The following ZNF488 variants were observed in gnomAD, a reference collection of about 807,000 sequenced individuals.
ZNF488 encodes the protein zinc finger protein 488.
Under a neutral mutation model 1.2 loss-of-function variants are expected in ZNF488, and 1 was observed. The observed-to-expected ratio is 0.86, with a 90% CI of 0.30 to 4.07. The LOEUF (loss-of-function observed/expected upper bound fraction) is 4.07, where lower values mean the gene tolerates loss of function less well. Ranked by LOEUF, ZNF488 falls within the 30% of genes most tolerant of loss-of-function variation. The pLI is 0.18. For synonymous variants in ZNF488, 185 were observed against 190.1 expected (o/e 0.97, Z 0.22); for missense variants, 450 against 437.9 (o/e 1.03, Z -0.25).
intron 1 of ZNF488, among the ~76,000 whole-genome samples, chr10:47,378,607 T>G (rs1365093345): frequency 6.6e-6 from 1 of 152,198 alleles, no homozygotes; most frequent in African/African-American, 2.4e-5. Context: ...CATGAAAGGA[T>G]GTACCTGCGT....
intron 1 of ZNF488, among the ~76,000 whole-genome samples, chr10:47,377,036 G>A (rs1020931168): frequency 6.6e-6 from 1 of 152,200 alleles, no homozygotes; most frequent in Admixed American, 6.5e-5. Flanking sequence ...CAGTGTTGCC[G>A]CTATCACCTA....
At chr10:47,370,420 C>T (rs892481550) in intron 1 of ZNF488, among the ~76,000 whole-genome samples, 1 of 152,252 alleles carries the variant, frequency 6.6e-6, no homozygotes, top group Non-Finnish European at 1.5e-5. Flanking sequence ...AAATAGCCCA[C>T]CAGCCTGTAT....
At chr10:47,378,735 G>A (rs1479328429) in intron 1 of ZNF488, among the ~76,000 whole-genome samples, 1 of 152,166 alleles carries the variant, frequency 6.6e-6, no homozygotes, top group Non-Finnish European at 1.5e-5. Flanking sequence ...AAAACCTCAC[G>A]TTCCCTTTTG....
intron 1 of ZNF488, among the ~76,000 whole-genome samples, chr10:47,381,882 T>C (rs557524614): frequency 1.1e-5 from 1 of 90,568 alleles, no homozygotes; most frequent in Non-Finnish European, 2.7e-5. Flanking sequence ...GGCCAGGACA[T>C]AGAACAGGGA....
chr10:47,375,904 G>A (rs1239210568), intron 1 of ZNF488, among the ~76,000 whole-genome samples: 2 of 152,188 alleles, frequency 1.3e-5, no homozygotes, highest in Non-Finnish European at 2.9e-5. Context: ...AGAAAAGAGA[G>A]GGCAGAAAGA....
chr10:47,378,013 G>A (rs1555214650), intron 1 of ZNF488, among the ~76,000 whole-genome samples: 2 of 152,080 alleles, frequency 1.3e-5, no homozygotes. Flanking sequence ...TTGGCAGGAT[G>A]GGTCTGGCTG....
chr10:47,377,671 T>TCACTCA (rs1555214623), intron 1 of ZNF488, among the ~76,000 whole-genome samples: 45 of 105,032 alleles, frequency 4.3e-4, no homozygotes, highest in Middle Eastern at 4.8e-3. Context: ...GCAATAACAA[T>TCACTCA]CACACACACA....
At chr10:47,369,460 A>G (rs1164691564) in intron 1 of ZNF488, among the ~76,000 whole-genome samples, 5 of 152,156 alleles carry the variant, frequency 3.3e-5, no homozygotes, top group African/African-American at 1.2e-4. Flanking sequence ...TGAGGGTCGC[A>G]GTGTTGGAGG....
Position 47,368,454 on chromosome 10 carries a change from T to TG in ZNF488, c.375dup (p.Thr126HisfsTer33), listed in dbSNP as rs1837319587. Reference sequence around the variant, plus strand: ...AGCTGTGGGGCACCAGGTTGGCCTGTGGGGTCATCGTGCTCCCTCTCCTGG... The same window carrying TG: ...AGCTGTGGGGCACCAGGTTGGCCTGTGGGGGTCATCGTGCTCCCTCTCCTGG... On this transcript the variant is annotated frameshift_variant, in exon 2 of 2. Coordinates refer to ENST00000585316, the MANE Select transcript of ZNF488 (RefSeq NM_153034.4). LOFTEE classifies it low-confidence loss of function (END_TRUNC). The TG allele has an allele frequency of 1.2e-6, 2 of 1,613,908 alleles. No homozygotes were observed. Among genetic ancestry groups the TG allele is most frequent in the African/African-American group, 2.7e-5 (2 of 74,930 alleles).
At chr10:47,383,405 C>T (rs181482730) in intron 1 of ZNF488, among the ~76,000 whole-genome samples, 1 of 152,326 alleles carries the variant, frequency 6.6e-6, no homozygotes, top group African/African-American at 2.4e-5. Context: ...GCTCTGAATC[C>T]TGTCCCCTCC....
At chr10:47,375,461 A>C (rs1262496811) in intron 1 of ZNF488, among the ~76,000 whole-genome samples, 2 of 152,212 alleles carry the variant, frequency 1.3e-5, no homozygotes, top group African/African-American at 4.8e-5. Context: ...CTATAAATCA[A>C]GGCTTGATTT....
intron 1 of ZNF488, among the ~76,000 whole-genome samples, chr10:47,373,917 G>A (rs887450160): frequency 6.6e-6 from 1 of 152,202 alleles, no homozygotes; most frequent in African/African-American, 2.4e-5. Context: ...GCTCTTAGGT[G>A]CTCCATCCAC....
intron 1 of ZNF488, among the ~76,000 whole-genome samples, chr10:47,380,047 A>G (rs916078476): frequency 6.6e-6 from 1 of 152,248 alleles, no homozygotes; most frequent in Non-Finnish European, 1.5e-5. Context: ...CTAGACGGCG[A>G]TGGATCTATG....
intron 1 of ZNF488, among the ~76,000 whole-genome samples, chr10:47,372,648 C>G (rs539389810): frequency 9.1e-4 from 139 of 152,322 alleles, no homozygotes; most frequent in African/African-American, 3.3e-3. Flanking sequence ...TCCTCCAGGG[C>G]TCTCTGTCAT....
chr10:47,369,371 A>G (rs748866235), intron 1 of ZNF488, among the ~76,000 whole-genome samples: 1 of 152,156 alleles, frequency 6.6e-6, no homozygotes, highest in Non-Finnish European at 1.5e-5. Flanking sequence ...TGAGGAAGCC[A>G]TGCACCCTCA....
chr10:47,375,132 T>A (rs1309450399), intron 1 of ZNF488, among the ~76,000 whole-genome samples: 2 of 152,248 alleles, frequency 1.3e-5, no homozygotes, highest in African/African-American at 2.4e-5. Flanking sequence ...GCCAGTGGTG[T>A]GCTGGAGCCA....
chr10:47,368,579 C>T lies in ZNF488; in HGVS notation c.251G>A (p.Arg84Gln), dbSNP rs782281616. ...LALLVAPGKP[R>Q]PGKPLPPKTR... ...CTTCGGGGGCAGCGGCTTGCCAGGT[C>T]GGGGCTTGCCTGGGGCTACCAACAG... The change falls in exon 2 of 2, where the codon CGA becomes CAA. Residue 84 changes from arginine (R) to glutamine (Q), a missense_variant. By Grantham distance (43) the Arg-to-Gln change is conservative. Coordinates refer to ENST00000585316, the MANE Select transcript of ZNF488 (RefSeq NM_153034.4). The T allele has an allele frequency of 8.3e-5, 133 of 1,611,158 alleles. No individual in the cohort carries two copies. Among genetic ancestry groups the T allele is most frequent in the East Asian group, 6.0e-4 (27 of 44,876 alleles).
rs1344828239 is a variant in ZNF488 at position 47,365,622 on chromosome 10, A to C, written c.*2185T>G. 1 of 167,206 alleles carries C rather than the reference A, an allele frequency of 6.0e-6. No individual in the cohort carries two copies. The highest frequency in any genetic ancestry group is 1.5e-5 in the Non-Finnish European group (1 of 68,202). 10.4% of individuals were successfully genotyped at this position (167,206 alleles called of 1,614,324 possible). On this transcript the variant is annotated 3_prime_UTR_variant, in exon 2 of 2. Coordinates refer to ENST00000585316, the MANE Select transcript of ZNF488 (RefSeq NM_153034.4). ...ACAGTGTGGAGGCAGCAAATCAACA[A>C]GACGACAAACAGAAAGATGGTTGCA...
Position 47,368,926 on chromosome 10 carries a change from G to C in ZNF488, c.-97C>G. On this transcript the variant is annotated 5_prime_UTR_variant, in exon 2 of 2. Transcript: ENST00000585316. ...CCATGACACTGGGCTGGACACACTC[G>C]GCCACAGGGCCCTGCAGAGAGAGGA... 3 of 1,410,328 alleles carry C rather than the reference G, an allele frequency of 2.1e-6. No homozygotes were observed. Among genetic ancestry groups the C allele is most frequent in the South Asian group, 2.8e-5 (2 of 72,092 alleles). 87.4% of individuals were successfully genotyped at this position (1,410,328 alleles called of 1,614,324 possible).
Sources: gnomAD v4.1 joint callset for allele counts (sites outside exome capture counted in the v4.1 genomes callset) on GRCh38, gnomAD v4.1.1 for gene constraint, MANE v1.5 for transcripts, NCBI Gene and HGNC (gene_info 2026-07-23, HGNC 2026-07-21) for gene names.